Variants in STK32B observed in about 807,000 individuals in gnomAD.
STK32B encodes serine/threonine-protein kinase 32B.
In STK32B, 43 loss-of-function variants were observed where a neutral mutation model predicts 52.6. That is an observed-to-expected ratio of 0.82 (90% CI 0.64 to 1.05). STK32B has a LOEUF of 1.05. Ranked by LOEUF, STK32B falls within the 50% of genes least tolerant of loss-of-function variation. The pLI is 0.00. For synonymous variants in STK32B, 238 were observed against 204.3 expected, an observed-to-expected ratio of 1.17 and a Z score of -1.41; for missense variants, 621 against 534.6, an observed-to-expected ratio of 1.16 and a Z score of -1.59.
rs1715477172 is a variant in STK32B at position 5,446,738 on chromosome 4, TC to T, written c.631del (p.Leu211TrpfsTer49). ...PGYSYPVDWW[S>X]LGITAYELLR... ...ATACTCGTACCCTGTCGACTGGTGG[TC>T]CCTGGGCATCACAGCCTATGAGCTG... On this transcript the variant is annotated frameshift_variant, in exon 7 of 12. Transcript: ENST00000282908. LOFTEE classifies it high-confidence loss of function. 2.5e-6 allele frequency: 4 copies of T among 1,614,012 alleles called. No individual in the cohort carries two copies. Among genetic ancestry groups the T allele is most frequent in the Non-Finnish European group, 3.4e-6 (4 of 1,179,984 alleles).
chr4:5,176,152 G>A lies in STK32B; in HGVS notation c.260+7702G>A, dbSNP rs568342764. On this transcript the variant is annotated intron_variant, in intron 3 of 11. Coordinates refer to ENST00000282908, the MANE Select transcript of STK32B (RefSeq NM_018401.3). Reference sequence around the variant, plus strand: ...GCCGTTTGTTGCGCCCATTGGAAAAGCGTAGTATTAGGGTGGGAGTGACCC... The same window carrying A: ...GCCGTTTGTTGCGCCCATTGGAAAAACGTAGTATTAGGGTGGGAGTGACCC... Among the ~76,000 whole-genome samples, 8 of 152,344 alleles carry A rather than the reference G, an allele frequency of 5.3e-5. No individual in the cohort carries two copies. The South Asian group carries it at 1.7e-3, about 32-fold the overall frequency.
At chr4:5,494,248 T>G (rs2108730844) in intron 11 of STK32B, among the ~76,000 whole-genome samples, 1 of 152,336 alleles carries the variant, frequency 6.6e-6, no homozygotes, top group Non-Finnish European at 1.5e-5. Flanking sequence ...ACTTGCTTTA[T>G]GAATCTGGGT....
At chr4:5,269,140 G>T (rs1187035612) in intron 3 of STK32B, among the ~76,000 whole-genome samples, 7 of 152,162 alleles carry the variant, frequency 4.6e-5, no homozygotes. Context: ...GACCTCGAGA[G>T]ATATGAAGAG....
chr4:5,049,454 G>A (rs1468298936), upstream of STK32B, among the ~76,000 whole-genome samples: 1 of 152,150 alleles, frequency 6.6e-6, no homozygotes, highest in Non-Finnish European at 1.5e-5. Flanking sequence ...CGAAAAGAGA[G>A]TCAGCGAAGA....
intron 7 of STK32B, among the ~76,000 whole-genome samples, chr4:5,450,990 T>G (rs1715940158): frequency 6.6e-6 from 1 of 152,274 alleles, no homozygotes; most frequent in African/African-American, 2.4e-5. Context: ...GTGTTGTGAT[T>G]TGGGCTAAGT....
chr4:5,129,050 G>A (rs1164234452), intron 1 of STK32B, among the ~76,000 whole-genome samples: 1 of 152,208 alleles, frequency 6.6e-6, no homozygotes, highest in Non-Finnish European at 1.5e-5. Context: ...ATTATCTGCT[G>A]AGAGGCAAAA....
At chr4:5,349,694 G>A (rs1173590939) in intron 4 of STK32B, among the ~76,000 whole-genome samples, 1 of 152,040 alleles carries the variant, frequency 6.6e-6, no homozygotes, top group African/African-American at 2.4e-5. Flanking sequence ...TGACACTAAA[G>A]TTCAGTGAGA....
At chr4:5,122,581 TCACTCATTCACC>T (rs924304098) in intron 1 of STK32B, among the ~76,000 whole-genome samples, 54 of 152,316 alleles carry the variant, frequency 3.5e-4, no homozygotes, top group African/African-American at 1.3e-3. Flanking sequence ...GCTCATTCAC[TCACTCATTCACC>T]CACCCACTCA....
At chr4:5,456,595 C>T (rs1032044392) in intron 7 of STK32B, among the ~76,000 whole-genome samples, 1 of 152,224 alleles carries the variant, frequency 6.6e-6, no homozygotes, top group African/African-American at 2.4e-5. Context: ...GCCACAGCAG[C>T]AGCACCCACC....
At chr4:5,292,249 A>G (rs2108885026) in intron 3 of STK32B, among the ~76,000 whole-genome samples, 1 of 152,258 alleles carries the variant, frequency 6.6e-6, no homozygotes, top group East Asian at 1.9e-4. Context: ...GAACTAATTT[A>G]CAACCCCAAC....
At chr4:5,322,283 C>T (rs777484732) in intron 3 of STK32B, among the ~76,000 whole-genome samples, 25 of 152,234 alleles carry the variant, frequency 1.6e-4, no homozygotes, top group African/African-American at 2.6e-4. Context: ...GAAGGCCGAG[C>T]GCTCCATTGT....
chr4:5,024,022 T>C, the STK32B span, among the ~76,000 whole-genome samples: 1 of 152,160 alleles, frequency 6.6e-6, no homozygotes, highest in East Asian at 1.9e-4. Context: ...AAAGTGCAAT[T>C]TGAAAATATA....
At position 5,274,184 on chromosome 4, in the gene STK32B, C is replaced by CT. The variant is rs1276752876; in HGVS notation, c.261-57033dup. ...AAAAGACCTGGAATAGCTAAAACAA[C>CT]TTTAAAAAGTGAACAGAGTTACAAA... On this transcript the variant is annotated intron_variant, in intron 3 of 11. Transcript: ENST00000282908. Among the ~76,000 whole-genome samples, 6 of 152,188 alleles carry CT rather than the reference C, an allele frequency of 3.9e-5. No homozygotes were observed. In the East Asian group the frequency reaches 1.2e-3, roughly 29 times the overall value.
At chr4:5,234,351 C>T (rs775456982) in intron 3 of STK32B, among the ~76,000 whole-genome samples, 16 of 152,236 alleles carry the variant, frequency 1.1e-4, no homozygotes, top group African/African-American at 2.4e-4. Context: ...TTGCCTGGCA[C>T]GTAGGAAAAG....
intron 3 of STK32B, among the ~76,000 whole-genome samples, chr4:5,309,539 A>G (rs1730152891): frequency 6.6e-6 from 1 of 152,238 alleles, no homozygotes; most frequent in South Asian, 2.1e-4. Flanking sequence ...GAAACCACAT[A>G]GACCAATGGA....
intron 3 of STK32B, among the ~76,000 whole-genome samples, chr4:5,214,893 T>G (rs1723099537): frequency 1.3e-5 from 2 of 152,222 alleles, no homozygotes; most frequent in Non-Finnish European, 2.9e-5. Context: ...GAGAGCATTT[T>G]TATCTTGGGA....
intron 4 of STK32B, among the ~76,000 whole-genome samples, chr4:5,369,591 G>A (rs184895443): frequency 1.2e-3 from 190 of 152,180 alleles, no homozygotes; most frequent in Middle Eastern, 3.4e-3. Flanking sequence ...CGTCCTCATG[G>A]GCAGGGGAAG....
intron 3 of STK32B, among the ~76,000 whole-genome samples, chr4:5,314,939 A>G (rs1430840179): frequency 1.3e-5 from 2 of 152,212 alleles, no homozygotes; most frequent in Non-Finnish European, 2.9e-5. Context: ...ACTTGACACC[A>G]AAAGCATGTA....
At chr4:5,174,773 A>T (rs1462662728) in intron 3 of STK32B, among the ~76,000 whole-genome samples, 1 of 151,914 alleles carries the variant, frequency 6.6e-6, no homozygotes, top group Non-Finnish European at 1.5e-5. Flanking sequence ...TCTGACAATT[A>T]TGTATCTTGG....
Sources: gnomAD v4.1 joint callset for allele counts (sites outside exome capture counted in the v4.1 genomes callset) on GRCh38, gnomAD v4.1.1 for gene constraint, MANE v1.5 for transcripts, NCBI Gene and HGNC (gene_info 2026-07-23, HGNC 2026-07-21) for gene names.